The following EYS variants were observed in gnomAD, a reference collection of about 807,000 sequenced individuals.
The protein encoded by EYS is EGF-like photoreceptor maintenance factor.
Under a neutral mutation model 282.1 loss-of-function variants are expected in EYS, and 250 were observed. The observed-to-expected ratio is 0.89, with a 90% CI of 0.80 to 0.98. The LOEUF is 0.98. Among genes scored for constraint, EYS ranks in the 50% least tolerant of loss-of-function variants. The probability of loss-of-function intolerance (pLI) is 0.00; values close to 1 mark genes in which losing one functional copy is unlikely to be tolerated. For missense variants in EYS, 4,016 were observed against 3,709.0 expected, an observed-to-expected ratio of 1.08 and a Z score of -2.15; for synonymous variants, 1,355 against 1,282.9, an observed-to-expected ratio of 1.06 and a Z score of -1.20.
chr6:63,823,019 T>C (rs67050101), intron 36 of EYS, among the ~76,000 whole-genome samples: 12,424 of 152,246 alleles, frequency 0.082, 568 homozygotes, highest in East Asian at 0.16. Context: ...GACATTTTAG[T>C]ATTGATTAAT....
At chr6:64,261,769 C>T (rs1767596690) in intron 30 of EYS, among the ~76,000 whole-genome samples, 1 of 146,422 alleles carries the variant, frequency 6.8e-6, no homozygotes, top group Non-Finnish European at 1.5e-5. Flanking sequence ...GGATATATAC[C>T]TAATATTAGG....
chr6:65,309,621 G>A (rs1158087519), intron 11 of EYS, among the ~76,000 whole-genome samples: 1 of 152,110 alleles, frequency 6.6e-6, no homozygotes, highest in African/African-American at 2.4e-5. Flanking sequence ...CAAAATATTG[G>A]AGCATTAGGA....
At chr6:63,931,931 CCTT>C (rs1392367635) in intron 35 of EYS, among the ~76,000 whole-genome samples, 1 of 152,218 alleles carries the variant, frequency 6.6e-6, no homozygotes, top group African/African-American at 2.4e-5. Context: ...CTCCTCTCCT[CCTT>C]ACATTTCCCA....
At chr6:64,091,751 T>C (rs1007673587) in intron 31 of EYS, among the ~76,000 whole-genome samples, 2 of 152,064 alleles carry the variant, frequency 1.3e-5, no homozygotes, top group Non-Finnish European at 1.5e-5. Context: ...ATACTGACAT[T>C]GTCTTTTTTT....
intron 8 of EYS, among the ~76,000 whole-genome samples, chr6:65,384,104 T>C (rs1765714956): frequency 6.6e-6 from 1 of 151,908 alleles, no homozygotes; most frequent in African/African-American, 2.4e-5. Flanking sequence ...AAAGTATTAG[T>C]AACTGGGGTT....
chr6:64,411,303 A>G (rs1033567717), intron 28 of EYS, among the ~76,000 whole-genome samples: 3 of 152,154 alleles, frequency 2.0e-5, no homozygotes, highest in African/African-American at 7.2e-5. Flanking sequence ...GACAATCCAT[A>G]AAACATAAAA....
intron 13 of EYS, among the ~76,000 whole-genome samples, chr6:65,044,360 C>T (rs1193976995): frequency 6.6e-6 from 1 of 151,702 alleles, no homozygotes; most frequent in East Asian, 2.0e-4. Flanking sequence ...GTTTGCTTTG[C>T]CATGCAGAAG....
intron 5 of EYS, among the ~76,000 whole-genome samples, chr6:65,422,076 T>G (rs1007507933): frequency 6.6e-6 from 1 of 151,930 alleles, no homozygotes; most frequent in East Asian, 1.9e-4. Context: ...CCACAAACTT[T>G]CAATTTGTAG....
chr6:64,344,628 A>T (rs1448501019), intron 29 of EYS, among the ~76,000 whole-genome samples: 1 of 152,162 alleles, frequency 6.6e-6, no homozygotes, highest in Non-Finnish European at 1.5e-5. Flanking sequence ...ATTCTTTTTG[A>T]AAACTGGCAC....
chr6:63,732,036 T>C (rs1768795603), intron 41 of EYS, among the ~76,000 whole-genome samples: 1 of 151,872 alleles, frequency 6.6e-6, no homozygotes, highest in Non-Finnish European at 1.5e-5. Context: ...TGTTACCCAG[T>C]GGGGAGGAGC....
rs532428186 is a variant in EYS at position 65,353,806 on chromosome 6, T to C, written c.1300-189A>G. ...TCTTTCTGTACTATCTTTTGTCATA[T>C]CCATGTTCAAAAGCCTATATGATAA... On this transcript the variant is annotated intron_variant, in intron 8 of 42. Transcript: ENST00000503581. Among the ~76,000 whole-genome samples, 96 of 152,228 alleles carry C rather than the reference T, an allele frequency of 6.3e-4. 3 individuals carry two copies. In the South Asian group the frequency reaches 0.019, roughly 31 times the overall value.
rs188835078 is a variant in EYS at position 65,490,164 on chromosome 6, A to G, written c.862+430T>C. 1,260 of 154,076 alleles carry G rather than the reference A, an allele frequency of 8.2e-3. 3 individuals carry two copies. The highest frequency in any genetic ancestry group is 0.013 in the Non-Finnish European group (878 of 69,194). The allele number at this position is 154,076 out of a possible 1,614,324, so 9.5% of individuals were successfully genotyped here. ...ATTTCATCTGCATATTTTATATCAA[A>G]AAAAGATGTAATAATATCTTCCTTT... is the stretch of plus-strand genomic sequence containing the variant. On this transcript the variant is annotated intron_variant, in intron 5 of 42. Transcript: ENST00000503581.
At chr6:64,753,841 A>C (rs929144284) in intron 22 of EYS, among the ~76,000 whole-genome samples, 1 of 152,152 alleles carries the variant, frequency 6.6e-6, no homozygotes, top group Non-Finnish European at 1.5e-5. Flanking sequence ...CCCAAGAGAC[A>C]CCATATTTTA....
intron 29 of EYS, among the ~76,000 whole-genome samples, chr6:64,374,092 G>C (rs559121818): frequency 6.6e-6 from 1 of 151,550 alleles, no homozygotes; most frequent in Non-Finnish European, 1.5e-5. Flanking sequence ...TACTAGTGGC[G>C]GGGCAGGTAA....
chr6:64,203,631 G>A (rs1374111294), intron 31 of EYS, among the ~76,000 whole-genome samples: 1 of 152,074 alleles, frequency 6.6e-6, no homozygotes, highest in African/African-American at 2.4e-5. Flanking sequence ...GTGTTACAAT[G>A]ACAGCTAATA....
intron 36 of EYS, among the ~76,000 whole-genome samples, chr6:63,855,069 A>T (rs1169140768): frequency 6.6e-6 from 1 of 152,232 alleles, no homozygotes; most frequent in East Asian, 1.9e-4. Flanking sequence ...AGAAAGAAGA[A>T]TTCCTTGGTT....
At chr6:65,021,017 C>T (rs1354679359) in intron 13 of EYS, among the ~76,000 whole-genome samples, 1 of 152,154 alleles carries the variant, frequency 6.6e-6, no homozygotes, top group Non-Finnish European at 1.5e-5. Flanking sequence ...TCCAGCAAAC[C>T]ATTTTTCCCT....
intron 22 of EYS, among the ~76,000 whole-genome samples, chr6:64,694,268 T>C (rs969302795): frequency 1.3e-5 from 2 of 152,084 alleles, no homozygotes; most frequent in African/African-American, 2.4e-5. Context: ...TGAAGGAACA[T>C]GGGGTCACAA....
intron 11 of EYS, among the ~76,000 whole-genome samples, chr6:65,334,330 T>G (rs1257365025): frequency 6.6e-6 from 1 of 151,716 alleles, no homozygotes; most frequent in East Asian, 2.0e-4. Flanking sequence ...GGCACAATCA[T>G]AGCTCATTGA....
Sources: gnomAD v4.1 joint callset for allele counts (sites outside exome capture counted in the v4.1 genomes callset) on GRCh38, gnomAD v4.1.1 for gene constraint, MANE v1.5 for transcripts, NCBI Gene and HGNC (gene_info 2026-07-23, HGNC 2026-07-21) for gene names.